The following SUGCT variants were observed in gnomAD, a reference collection of about 807,000 sequenced individuals.
The protein encoded by SUGCT is succinyl-CoA:glutarate CoA-transferase.
In SUGCT, 41 loss-of-function variants were observed where a neutral mutation model predicts 55.0. The ratio of observed to expected loss-of-function variants is 0.74; its 90% CI spans 0.58 to 0.97. The LOEUF is 0.97. SUGCT is among the 50% of genes least tolerant of loss of function. The pLI, the probability that SUGCT is intolerant of heterozygous loss-of-function variation, is 0.00. For synonymous variants in SUGCT, 187 were observed against 200.4 expected, an observed-to-expected ratio of 0.93 and a Z score of 0.56; for missense variants, 568 against 547.8, an observed-to-expected ratio of 1.04 and a Z score of -0.37.
At chr7:40,149,547 G>A (rs529669021) in intron 1 of SUGCT, among the ~76,000 whole-genome samples, 1 of 152,172 alleles carries the variant, frequency 6.6e-6, no homozygotes, top group Non-Finnish European at 1.5e-5. Flanking sequence ...CCAGCACTTT[G>A]GGAGGCAAGT....
the SUGCT span, among the ~76,000 whole-genome samples, chr7:40,915,531 G>A: frequency 1.3e-5 from 2 of 152,098 alleles, no homozygotes; most frequent in Admixed American, 1.3e-4. Context: ...GCTAATAATG[G>A]GGACAGTTTT....
At chr7:40,593,295 C>T (rs1049471759) in intron 12 of SUGCT, among the ~76,000 whole-genome samples, 11 of 152,130 alleles carry the variant, frequency 7.2e-5, no homozygotes, top group Non-Finnish European at 1.6e-4. Flanking sequence ...GTTGCCTCCC[C>T]AAACCCACAC....
intron 12 of SUGCT, among the ~76,000 whole-genome samples, chr7:40,577,264 G>A (rs1355093079): frequency 4.6e-5 from 7 of 152,142 alleles, no homozygotes; most frequent in Non-Finnish European, 1.0e-4. Flanking sequence ...ACTGAGAGCT[G>A]CTAAAACTCA....
At chr7:40,947,554 C>G in the SUGCT span, among the ~76,000 whole-genome samples, 1 of 151,138 alleles carries the variant, frequency 6.6e-6, no homozygotes, top group Non-Finnish European at 1.5e-5. Context: ...CTGTTGAAAA[C>G]TAGACATTTA....
chr7:40,389,365 T>C (rs1785287871), intron 9 of SUGCT, among the ~76,000 whole-genome samples: 1 of 151,978 alleles, frequency 6.6e-6, no homozygotes, highest in African/African-American at 2.4e-5. Flanking sequence ...GGTGGGAGAA[T>C]CAATTGAGCC....
intron 12 of SUGCT, among the ~76,000 whole-genome samples, chr7:40,565,967 TCACACA>T (rs377518526): frequency 0.012 from 1,675 of 134,736 alleles, 7 homozygotes; most frequent in African/African-American, 0.018. Context: ...ACCTGGCATA[TCACACA>T]CACACACACA....
chr7:40,642,694 T>C (rs1800323583), intron 12 of SUGCT, among the ~76,000 whole-genome samples: 1 of 152,206 alleles, frequency 6.6e-6, no homozygotes, highest in Non-Finnish European at 1.5e-5. Flanking sequence ...AGTGCCAGTA[T>C]TTGGCCATTT....
the SUGCT span, among the ~76,000 whole-genome samples, chr7:40,981,412 C>G: frequency 1.3e-5 from 2 of 152,126 alleles, no homozygotes; most frequent in East Asian, 3.9e-4. Context: ...CATCTCTATT[C>G]CTGGCTTCTG....
At chr7:40,405,426 G>A (rs914025198) in intron 9 of SUGCT, among the ~76,000 whole-genome samples, 3 of 151,962 alleles carry the variant, frequency 2.0e-5, no homozygotes, top group Non-Finnish European at 2.9e-5. Flanking sequence ...ATTAGCATTT[G>A]AACATGTTTT....
intron 8 of SUGCT, among the ~76,000 whole-genome samples, chr7:40,280,565 A>C (rs1792885746): frequency 6.6e-6 from 1 of 152,128 alleles, no homozygotes; most frequent in East Asian, 1.9e-4. Context: ...TTTTGATGTG[A>C]CCATCCTTTA....
At chr7:40,616,348 A>C (rs1799000685) in intron 12 of SUGCT, among the ~76,000 whole-genome samples, 1 of 152,150 alleles carries the variant, frequency 6.6e-6, no homozygotes, top group Non-Finnish European at 1.5e-5. Context: ...GTTGTGAACC[A>C]CCACGCCCAA....
chr7:40,154,797 T>G (rs1039731624), intron 1 of SUGCT, among the ~76,000 whole-genome samples: 8 of 152,228 alleles, frequency 5.3e-5, no homozygotes, highest in African/African-American at 1.9e-4. Flanking sequence ...GTATTGCATT[T>G]TGTGAACAAT....
At chr7:41,023,011 G>A in the SUGCT span, among the ~76,000 whole-genome samples, 1 of 152,172 alleles carries the variant, frequency 6.6e-6, no homozygotes, top group Admixed American at 6.6e-5. Context: ...TGATTTGGAT[G>A]TCACTTGCCT....
rs563853050 is a variant in SUGCT at position 40,400,087 on chromosome 7, A to T, written c.817-49200A>T. Among the ~76,000 whole-genome samples, 121 of 152,262 alleles carry T rather than the reference A, an allele frequency of 7.9e-4. 2 individuals carry two copies. Among genetic ancestry groups the T allele is most frequent in the African/African-American group, 2.8e-3 (117 of 41,572 alleles). ...ACAAAAATAAAAATAAATAGATTTT[A>T]TCTATCAGACTGAGAAAGTCTTCTA... On this transcript the variant is annotated intron_variant, in intron 9 of 13. Transcript: ENST00000335693.
intron 13 of SUGCT, among the ~76,000 whole-genome samples, chr7:40,809,406 A>G (rs1791281768): frequency 6.6e-6 from 1 of 152,184 alleles, no homozygotes; most frequent in Non-Finnish European, 1.5e-5. Context: ...ATTTTATTCT[A>G]TATATACAAG....
At chr7:41,037,655 T>A in the SUGCT span, among the ~76,000 whole-genome samples, 1 of 151,978 alleles carries the variant, frequency 6.6e-6, no homozygotes, top group Non-Finnish European at 1.5e-5. Flanking sequence ...AGCTTTAGTG[T>A]CCTTGGCAAA....
chr7:40,927,626 G>A, the SUGCT span, among the ~76,000 whole-genome samples: 6 of 152,188 alleles, frequency 3.9e-5, no homozygotes, highest in Non-Finnish European at 8.8e-5. Flanking sequence ...CAACATAAAA[G>A]ACCACTGAAT....
intron 6 of SUGCT, among the ~76,000 whole-genome samples, chr7:40,198,313 A>G (rs1786402441): frequency 6.6e-6 from 1 of 152,228 alleles, no homozygotes; most frequent in Non-Finnish European, 1.5e-5. Flanking sequence ...AAGTGCCTCT[A>G]TGCTTTCCAT....
chr7:40,589,344 C>T (rs1797583818), intron 12 of SUGCT, among the ~76,000 whole-genome samples: 1 of 152,120 alleles, frequency 6.6e-6, no homozygotes, highest in African/African-American at 2.4e-5. Context: ...AGTCTGGAGG[C>T]TGAGAAGTCA....
Sources: allele counts gnomAD v4.1 joint callset (sites outside exome capture counted in the v4.1 genomes callset), GRCh38; gene constraint gnomAD v4.1.1; transcripts MANE v1.5; gene names NCBI Gene and HGNC (gene_info 2026-07-23, HGNC 2026-07-21).